The following TENT4A variants were observed in gnomAD, a reference collection of about 807,000 sequenced individuals.
TENT4A encodes DNA polymerase kappa.
In TENT4A, 7 loss-of-function variants were observed where a neutral mutation model predicts 72.8. The observed-to-expected ratio is 0.10, with a 90% confidence interval of 0.05 to 0.18. TENT4A has a LOEUF of 0.18. Ranked by LOEUF, TENT4A falls within the 10% of genes least tolerant of loss-of-function variation. The pLI, the probability that TENT4A is intolerant of heterozygous loss-of-function variation, is 1.00. For synonymous variants in TENT4A, 456 were observed against 434.3 expected (o/e 1.05, Z -0.62); for missense variants, 831 against 1,017.7 (o/e 0.82, Z 2.50).
At chr5:6,729,220 A>G (rs1741086014) in intron 1 of TENT4A, among the ~76,000 whole-genome samples, 1 of 152,360 alleles carries the variant, frequency 6.6e-6, no homozygotes, top group African/African-American at 2.4e-5. Flanking sequence ...GCCAGTTACC[A>G]TATGTCTAAT....
intron 1 of TENT4A, among the ~76,000 whole-genome samples, chr5:6,716,112 G>A (rs1740372972): frequency 6.6e-6 from 1 of 152,170 alleles, no homozygotes; most frequent in South Asian, 2.1e-4. Context: ...TCTGCTCTTA[G>A]AAAGTGGTAG....
At chr5:6,728,666 G>A (rs1030343002) in intron 1 of TENT4A, among the ~76,000 whole-genome samples, 5 of 152,212 alleles carry the variant, frequency 3.3e-5, no homozygotes, top group African/African-American at 1.2e-4. Context: ...GGTGCTGGGC[G>A]GCAGAGCCCA....
At chr5:6,717,457 C>T (rs1190547603) in intron 1 of TENT4A, among the ~76,000 whole-genome samples, 5 of 152,220 alleles carry the variant, frequency 3.3e-5, no homozygotes, top group African/African-American at 4.8e-5. Context: ...TTGTCCTTTT[C>T]TGGGGAGGAG....
rs1415505909 is a variant in TENT4A, at chr5:6,713,668, C to A, written c.-316C>A. ...GGAACGCCGCCGCCGCCGCGGCCCC[C>A]GCGCCCGCCCCGCGCCGCGTGAAGC... On this transcript the variant is annotated 5_prime_UTR_variant, in exon 1 of 13. Coordinates refer to ENST00000230859, the MANE Select transcript of TENT4A (RefSeq NM_006999.6). 1.4e-5 allele frequency: 2 copies of A among 146,764 alleles called. No individual in the cohort carries two copies. Among genetic ancestry groups the A allele is most frequent in the South Asian group, 1.8e-4 (1 of 5,642 alleles). 9.1% of individuals were successfully genotyped at this position (146,764 alleles called of 1,614,324 possible).
At chr5:6,722,554 T>G (rs904258365) in intron 1 of TENT4A, among the ~76,000 whole-genome samples, 3 of 150,156 alleles carry the variant, frequency 2.0e-5, no homozygotes, top group Non-Finnish European at 4.4e-5. Context: ...TTAGTTTTTT[T>G]TTTTTTTTTT....
intron 8 of TENT4A, among the ~76,000 whole-genome samples, chr5:6,749,046 C>T (rs146043762): frequency 9.2e-5 from 14 of 152,176 alleles, no homozygotes; most frequent in Admixed American, 4.6e-4. Flanking sequence ...GTAACGTGGT[C>T]GTCAAGAGTG....
At chr5:6,741,085 G>A (rs913233597) in intron 4 of TENT4A, among the ~76,000 whole-genome samples, 9 of 152,222 alleles carry the variant, frequency 5.9e-5, no homozygotes, top group African/African-American at 9.7e-5. Flanking sequence ...AGGAACTAAG[G>A]CGCGGCTGTC....
chr5:6,751,313 A>G (rs274679), intron 11 of TENT4A, 116 bp downstream of exon 11: 4 of 1,087,444 alleles, frequency 3.7e-6, no homozygotes, highest in Non-Finnish European at 5.5e-6. Flanking sequence ...CTTTTTGAGT[A>G]TTTGGCCATT....
At chr5:6,748,092 G>A (rs1742202378) in intron 7 of TENT4A, among the ~76,000 whole-genome samples, 1 of 152,202 alleles carries the variant, frequency 6.6e-6, no homozygotes, top group African/African-American at 2.4e-5. Context: ...GGTGCTGCTG[G>A]TCTGCACAAT....
At chr5:6,716,626 C>T (rs777033338) in intron 1 of TENT4A, among the ~76,000 whole-genome samples, 4 of 152,146 alleles carry the variant, frequency 2.6e-5, no homozygotes, top group African/African-American at 9.7e-5. Flanking sequence ...GTCACCTCCC[C>T]CATCTCCAAT....
chr5:6,743,115 G>T (rs920040955), intron 5 of TENT4A, among the ~76,000 whole-genome samples: 2 of 152,142 alleles, frequency 1.3e-5, no homozygotes, highest in Non-Finnish European at 2.9e-5. Flanking sequence ...CCGGGTGGTC[G>T]TGACCTCCTG....
intron 9 of TENT4A, 64 bp downstream of exon 9, chr5:6,749,721 T>C: frequency 9.5e-7 from 1 of 1,050,510 alleles, no homozygotes; most frequent in South Asian, 1.3e-5. Context: ...CAGAAGTGTC[T>C]CTATTCCTTT....
At chr5:6,754,574 A>T (rs878916186) in intron 12 of TENT4A, among the ~76,000 whole-genome samples, 177 bp from the exon 13 acceptor site, 1 of 152,158 alleles carries the variant, frequency 6.6e-6, no homozygotes, top group Admixed American at 6.5e-5. Context: ...TTAGTCATTC[A>T]CGGAATGGGA....
At chr5:6,717,735 G>A (rs1039948842) in intron 1 of TENT4A, among the ~76,000 whole-genome samples, 2 of 152,252 alleles carry the variant, frequency 1.3e-5, no homozygotes, top group Non-Finnish European at 2.9e-5. Context: ...TGTTGGGCAG[G>A]TGTTTGGACA....
intron 1 of TENT4A, among the ~76,000 whole-genome samples, chr5:6,725,002 G>T (rs1342214522): frequency 6.6e-6 from 1 of 152,234 alleles, no homozygotes; most frequent in Non-Finnish European, 1.5e-5. Context: ...AGCAAAGCGA[G>T]AATTGTCCAA....
rs547007096 is a variant in TENT4A, at chr5:6,751,032, G to T, written c.1861-7G>T. 1 of 1,613,694 alleles carries T rather than the reference G, an allele frequency of 6.2e-7. No individual in the cohort carries two copies. Among genetic ancestry groups the T allele is most frequent in the Non-Finnish European group, 8.5e-7 (1 of 1,179,722 alleles). ...CTGTCCTTTTTGTTTTTTGTACCGG[G>T]TTCAAGGATTCAGACACACCGCCCT... On this transcript the variant is annotated splice_region_variant and splice_polypyrimidine_tract_variant and intron_variant, in intron 10 of 12. Transcript: ENST00000230859.
Position 6,755,274 on chromosome 5 carries a change from G to A in TENT4A, c.*329G>A, listed in dbSNP as rs1052475983. ...GAGGTAGCCGTGTCTGTTCCTTCGC[G>A]GTTTGCTATTTTCATTTCCTGTTCG... On this transcript the variant is annotated 3_prime_UTR_variant, in exon 13 of 13. Coordinates refer to ENST00000230859, the MANE Select transcript of TENT4A (RefSeq NM_006999.6). 8 of 226,586 alleles carry A rather than the reference G, an allele frequency of 3.5e-5. No homozygotes were observed. Among genetic ancestry groups the A allele is most frequent in the Admixed American group, 5.8e-5 (1 of 17,306 alleles). 14.0% of individuals were successfully genotyped at this position (226,586 alleles called of 1,614,324 possible).
At chr5:6,744,639 GTGA>G (rs1490714135) in intron 6 of TENT4A, among the ~76,000 whole-genome samples, 1 of 152,212 alleles carries the variant, frequency 6.6e-6, no homozygotes, top group Non-Finnish European at 1.5e-5. Flanking sequence ...GTAACTACCT[GTGA>G]TGATCGCAGC....
intron 1 of TENT4A, among the ~76,000 whole-genome samples, chr5:6,735,829 C>T (rs1303061106): frequency 2.7e-5 from 4 of 150,896 alleles, no homozygotes; most frequent in South Asian, 4.2e-4. Flanking sequence ...GGTGCAATCT[C>T]GGCCCACTGC....
Sources: allele counts gnomAD v4.1 joint callset (sites outside exome capture counted in the v4.1 genomes callset), GRCh38; gene constraint gnomAD v4.1.1; transcripts MANE v1.5; gene names NCBI Gene and HGNC (gene_info 2026-07-23, HGNC 2026-07-21).